CSMD1: variants seen among roughly 807,000 people sequenced by gnomAD.
CSMD1 encodes CUB and sushi domain-containing protein 1.
A neutral mutation model predicts 417.5 loss-of-function variants in CSMD1; 213 were observed. The ratio of observed to expected loss-of-function variants is 0.51; its 90% CI spans 0.46 to 0.57. The LOEUF (loss-of-function observed/expected upper bound fraction) is 0.57, where lower values mean the gene tolerates loss of function less well. Ranked by LOEUF, CSMD1 falls within the 20% of genes least tolerant of loss-of-function variation. CSMD1 has a pLI of 0.00. For synonymous variants in CSMD1, 2,862 were observed against 1,736.8 expected (o/e 1.65, Z -16.11); for missense variants, 6,923 against 4,529.7 (o/e 1.53, Z -15.17).
chr8:4,593,323 A>G (rs1800084678), intron 2 of CSMD1, among the ~76,000 whole-genome samples: 1 of 152,228 alleles, frequency 6.6e-6, no homozygotes. Context: ...AATTAATTAA[A>G]TACTTCTGCA....
chr8:3,750,860 G>A (rs377050427), intron 6 of CSMD1, among the ~76,000 whole-genome samples: 23 of 152,144 alleles, frequency 1.5e-4, no homozygotes, highest in African/African-American at 5.3e-4. Flanking sequence ...CCATACTGGA[G>A]CTTCCATTCC....
At chr8:3,042,288 C>G (rs57084958) in intron 50 of CSMD1, among the ~76,000 whole-genome samples, 10,060 of 152,000 alleles carry the variant, frequency 0.066, 1,087 homozygotes, top group African/African-American at 0.23. Flanking sequence ...CGTGCATCTC[C>G]TTAGCTAAGG....
At chr8:4,673,920 G>A (rs911199991) in intron 1 of CSMD1, among the ~76,000 whole-genome samples, 6 of 152,082 alleles carry the variant, frequency 3.9e-5, no homozygotes, top group African/African-American at 1.4e-4. Flanking sequence ...TGGGAGGATA[G>A]ATAAAAAGCC....
intron 5 of CSMD1, among the ~76,000 whole-genome samples, chr8:3,781,965 G>C (rs1799210425): frequency 6.6e-6 from 1 of 152,062 alleles, no homozygotes; most frequent in Non-Finnish European, 1.5e-5. Flanking sequence ...AAAGGAGTAT[G>C]TGGTAAGAGA....
chr8:4,335,734 T>C (rs56261883), intron 3 of CSMD1, among the ~76,000 whole-genome samples: 7,806 of 152,104 alleles, frequency 0.051, 240 homozygotes, highest in Middle Eastern at 0.15. Context: ...TGTACCTTAA[T>C]AGGGCTCACG....
chr8:4,265,936 C>G lies in CSMD1; in HGVS notation c.415+154017G>C, dbSNP rs1420564974. Among the ~76,000 whole-genome samples the G allele has an allele frequency of 1.9e-5, 2 of 103,572 alleles. 1 individual carries two copies. The highest frequency in any genetic ancestry group is 5.2e-5 in the Non-Finnish European group (2 of 38,682). The allele number at this position is 103,572 out of a possible 152,430, so 67.9% of individuals were successfully genotyped here. On this transcript the variant is annotated intron_variant, in intron 3 of 69. Coordinates refer to ENST00000635120, the MANE Select transcript of CSMD1 (RefSeq NM_033225.6). Reference sequence around the variant, plus strand: ...GAAGAAATAGATTTCCCCCCATTGCCCAGGAGACGGGGAACCATGGCCCCC... The same window carrying G: ...GAAGAAATAGATTTCCCCCCATTGCGCAGGAGACGGGGAACCATGGCCCCC...
intron 5 of CSMD1, among the ~76,000 whole-genome samples, chr8:3,882,359 G>T (rs1210713261): frequency 6.6e-6 from 1 of 152,212 alleles, no homozygotes; most frequent in Non-Finnish European, 1.5e-5. Context: ...ACAGAATACT[G>T]CATCCCCACT....
chr8:4,715,115 G>T (rs1367680307), intron 1 of CSMD1, among the ~76,000 whole-genome samples: 1 of 152,096 alleles, frequency 6.6e-6, no homozygotes, highest in East Asian at 1.9e-4. Context: ...TTATAGTTCA[G>T]ATCCAAAAAC....
chr8:4,395,072 C>T (rs1430444), intron 3 of CSMD1, among the ~76,000 whole-genome samples: 1 of 152,142 alleles, frequency 6.6e-6, no homozygotes, highest in Non-Finnish European at 1.5e-5. Context: ...TCCAGGGTGT[C>T]CTGGCACCTC....
chr8:4,839,079 GT>G (rs1563551540), intron 1 of CSMD1, among the ~76,000 whole-genome samples: 1 of 152,074 alleles, frequency 6.6e-6, no homozygotes, highest in African/African-American at 2.4e-5. Flanking sequence ...TTCTGACCTG[GT>G]ATTTTACTCC....
chr8:4,657,632 T>C (rs1439220564), intron 1 of CSMD1, among the ~76,000 whole-genome samples: 1 of 151,752 alleles, frequency 6.6e-6, no homozygotes, highest in Non-Finnish European at 1.5e-5. Flanking sequence ...ATTTGCACAG[T>C]TACCAATGTA....
At chr8:2,994,077 C>T (rs664743) in intron 54 of CSMD1, among the ~76,000 whole-genome samples, 25,598 of 129,050 alleles carry the variant, frequency 0.2, 4,437 homozygotes, top group African/African-American at 0.49. Context: ...ACCCTGGAGG[C>T]GGAAGTTGCA....
chr8:3,625,784 TAC>T (rs1179923204), intron 7 of CSMD1, among the ~76,000 whole-genome samples: 1 of 152,152 alleles, frequency 6.6e-6, no homozygotes, highest in African/African-American at 2.4e-5. Flanking sequence ...TGCAGATTCT[TAC>T]AGTCTTTATT....
At chr8:3,184,397 T>C (rs954591141) in intron 36 of CSMD1, among the ~76,000 whole-genome samples, 1 of 152,176 alleles carries the variant, frequency 6.6e-6, no homozygotes, top group African/African-American at 2.4e-5. Flanking sequence ...CTCAAAAACT[T>C]GAACCTCATC....
At chr8:3,783,475 G>A (rs1189847213) in intron 5 of CSMD1, among the ~76,000 whole-genome samples, 1 of 152,188 alleles carries the variant, frequency 6.6e-6, no homozygotes, top group Non-Finnish European at 1.5e-5. Flanking sequence ...GGCGGGCTGT[G>A]AGGCGGCCCT....
intron 11 of CSMD1, among the ~76,000 whole-genome samples, chr8:3,480,001 G>T (rs957897155): frequency 6.6e-6 from 1 of 152,102 alleles, no homozygotes; most frequent in South Asian, 2.1e-4. Flanking sequence ...AGCAATAATA[G>T]AATCAGTGAA....
rs79265896 is a variant in CSMD1 at position 4,073,761 on chromosome 8, T to A, written c.416-41662A>T. On this transcript the variant is annotated intron_variant, in intron 3 of 69. Transcript: ENST00000635120. ...TTTCCATTTCAGCAATTTATACACT[T>A]GAAAATGAACCCAAATACAAAATTT... Among the ~76,000 whole-genome samples the A allele has an allele frequency of 3.7e-3, 562 of 152,226 alleles. 14 individuals are homozygous for A. In the East Asian group the frequency reaches 0.059, roughly 16 times the overall value.
intron 10 of CSMD1, among the ~76,000 whole-genome samples, chr8:3,530,464 T>C (rs764534202): frequency 6.6e-6 from 1 of 152,182 alleles, no homozygotes; most frequent in Non-Finnish European, 1.5e-5. Flanking sequence ...GTAAATTTCC[T>C]AGCTTTCCTT....
chr8:3,227,231 T>C (rs1798561765), intron 27 of CSMD1, among the ~76,000 whole-genome samples: 1 of 152,000 alleles, frequency 6.6e-6, no homozygotes, highest in African/African-American at 2.4e-5. Flanking sequence ...AAAACCCATC[T>C]CTACTAAAAA....
Sources: gnomAD v4.1 joint callset for allele counts (sites outside exome capture counted in the v4.1 genomes callset) on GRCh38, gnomAD v4.1.1 for gene constraint, MANE v1.5 for transcripts, NCBI Gene and HGNC (gene_info 2026-07-23, HGNC 2026-07-21) for gene names.